LDHC: variants seen among roughly 807,000 people sequenced by gnomAD.
The protein encoded by LDHC is lactate dehydrogenase C.
Under a neutral mutation model 30.2 loss-of-function variants are expected in LDHC, and 20 were observed. That is an observed-to-expected ratio of 0.66 (90% CI 0.47 to 0.96). LDHC has a LOEUF of 0.96. Among genes scored for constraint, LDHC ranks in the 40% least tolerant of loss-of-function variants. The pLI is 0.00. For synonymous variants in LDHC, 139 were observed against 132.7 expected, an observed-to-expected ratio of 1.05 and a Z score of -0.32; for missense variants, 362 against 394.9, an observed-to-expected ratio of 0.92 and a Z score of 0.71.
At chr11:18,434,217 A>ATTTTTTTTTT (rs60806253) in intron 4 of LDHC, among the ~76,000 whole-genome samples, 1 of 146,076 alleles carries the variant, frequency 6.8e-6, no homozygotes, top group African/African-American at 2.5e-5. Flanking sequence ...TTCTTGTATC[A>ATTTTTTTTTT]TTTTTTTTTT....
chr11:18,430,215 C>T (rs1158455794), intron 4 of LDHC, among the ~76,000 whole-genome samples: 3 of 152,082 alleles, frequency 2.0e-5, no homozygotes, highest in Non-Finnish European at 4.4e-5. Flanking sequence ...ATTTTTTCTG[C>T]CTGACTTCTT....
At chr11:18,444,604 GTATATATA>G (rs60764598) in intron 6 of LDHC, among the ~76,000 whole-genome samples, 1,038 of 89,252 alleles carry the variant, frequency 0.012, 13 homozygotes, top group African/African-American at 0.027. Flanking sequence ...TGTTCAGGTG[GTATATATA>G]TATATATATA....
At chr11:18,437,333 T>G (rs530862350) in intron 5 of LDHC, among the ~76,000 whole-genome samples, 1 of 152,256 alleles carries the variant, frequency 6.6e-6, no homozygotes, top group Non-Finnish European at 1.5e-5. Context: ...AAATAAATTC[T>G]ACTACATATT....
At chr11:18,412,523 G>C (rs1169655619) in intron 1 of LDHC, 115 bp downstream of exon 1, 1 of 526,520 alleles carries the variant, frequency 1.9e-6, no homozygotes, top group Non-Finnish European at 3.4e-6. Flanking sequence ...CCAAAAGCCC[G>C]CTGGTGCCCC....
At position 18,451,384 on chromosome 11, in the gene LDHC, TAG is replaced by T. The variant is rs1848653475; in HGVS notation, c.*260_*261del. The T allele has an allele frequency of 4.2e-6, 1 of 237,864 alleles. No individual in the cohort carries two copies. The highest frequency in any genetic ancestry group is 5.7e-5 in the Admixed American group (1 of 17,410). The allele number at this position is 237,864 out of a possible 1,614,324, so 14.7% of individuals were successfully genotyped here. On this transcript the variant is annotated 3_prime_UTR_variant, in exon 8 of 8. Transcript: ENST00000541669. ...TACTTCTGAGGTATGTCACATATGT[TAG>T]AGTGCCTTCAGATGTAGTAGAATAT...
At chr11:18,421,593 A>T (rs1848052902) in intron 3 of LDHC, among the ~76,000 whole-genome samples, 1 of 151,980 alleles carries the variant, frequency 6.6e-6, no homozygotes, top group African/African-American at 2.4e-5. Flanking sequence ...GAATCGCTTT[A>T]ACCTGGGAGA....
chr11:18,413,704 G>A (rs895053003), intron 2 of LDHC, among the ~76,000 whole-genome samples: 2 of 151,496 alleles, frequency 1.3e-5, no homozygotes, highest in Admixed American at 1.3e-4. Flanking sequence ...CTCGTGATCC[G>A]CCTGCCTCAG....
At chr11:18,418,961 GCT>G (rs1321920495) in intron 3 of LDHC, among the ~76,000 whole-genome samples, 1 of 152,150 alleles carries the variant, frequency 6.6e-6, no homozygotes, top group East Asian at 1.9e-4. Context: ...AGCTCTGATT[GCT>G]CTTTTTACCC....
rs1270255339 is a variant in LDHC, at chr11:18,446,331, A to C, written c.832A>C (p.Lys278Gln). The part of the protein sequence containing the change: ...RRVHPVSTMV[K>Q]GLYGIKEELF... ...AGTGCACCCAGTTTCCACCATGGTT[A>C]AGGTAGGCTTAAATTAAATCTTCAT... The change falls in exon 7 of 8, where the codon AAG becomes CAG. Residue 278 changes from lysine (K) to glutamine (Q), a missense_variant and splice_region_variant. Coordinates refer to ENST00000541669, the MANE Select transcript of LDHC (RefSeq NM_017448.5). The C allele has an allele frequency of 2.5e-6, 4 of 1,601,552 alleles. No individual in the cohort carries two copies. The highest frequency in any genetic ancestry group is 3.4e-6 in the Non-Finnish European group (4 of 1,168,984).
At chr11:18,446,392 A>G (rs1848557408) in intron 7 of LDHC, 59 bp downstream of exon 7, 3 of 1,188,186 alleles carry the variant, frequency 2.5e-6, no homozygotes, top group South Asian at 2.4e-5. Flanking sequence ...TTGGGTCACT[A>G]CTATATGCCA....
At chr11:18,442,684 A>G (rs1174105658) in intron 6 of LDHC, among the ~76,000 whole-genome samples, 2 of 112,454 alleles carry the variant, frequency 1.8e-5, no homozygotes, top group Non-Finnish European at 3.5e-5. Flanking sequence ...TTTTTTTGAG[A>G]CAGAGTCTTG....
At chr11:18,441,455 C>A (rs1419806063) in intron 6 of LDHC, among the ~76,000 whole-genome samples, 5 of 151,818 alleles carry the variant, frequency 3.3e-5, no homozygotes, top group Admixed American at 6.5e-5. Flanking sequence ...ACTACAAGCA[C>A]GCGCCACCAT....
chr11:18,421,482 G>A (rs1446151234), intron 3 of LDHC, among the ~76,000 whole-genome samples: 1 of 151,980 alleles, frequency 6.6e-6, no homozygotes. Context: ...AGACCAGCGT[G>A]GCCAACCTGG....
At chr11:18,431,184 G>A (rs990206106) in intron 4 of LDHC, among the ~76,000 whole-genome samples, 10 of 151,940 alleles carry the variant, frequency 6.6e-5, no homozygotes, top group Middle Eastern at 3.4e-3. Flanking sequence ...CAGGCCAGGC[G>A]TGGTGGCTCA....
At chr11:18,446,855 T>C (rs139261731) in intron 7 of LDHC, among the ~76,000 whole-genome samples, 196 of 152,244 alleles carry the variant, frequency 1.3e-3, no homozygotes, top group Admixed American at 3.6e-3. Flanking sequence ...TTAAGACAAG[T>C]GTAATAGCTA....
At chr11:18,450,846 C>G (rs1032121014) in intron 7 of LDHC, 117 bp from the exon 8 acceptor site, 2 of 698,960 alleles carry the variant, frequency 2.9e-6, no homozygotes, top group Non-Finnish European at 4.7e-6. Flanking sequence ...CTGCCACCCT[C>G]TGAGCGATTC....
chr11:18,424,218 C>T (rs577870981), intron 3 of LDHC, among the ~76,000 whole-genome samples: 2 of 152,196 alleles, frequency 1.3e-5, no homozygotes, highest in Non-Finnish European at 2.9e-5. Flanking sequence ...CCTGTCTCTA[C>T]TAAAAATACA....
intron 6 of LDHC, among the ~76,000 whole-genome samples, chr11:18,442,910 G>A (rs142210368): frequency 3.9e-5 from 6 of 151,914 alleles, no homozygotes; most frequent in Admixed American, 1.3e-4. Context: ...TGATCTGCCC[G>A]CCTCAGCCTC....
At chr11:18,417,365 GA>G (rs1447773192) in intron 3 of LDHC, among the ~76,000 whole-genome samples, 3 of 152,178 alleles carry the variant, frequency 2.0e-5, no homozygotes, top group African/African-American at 7.2e-5. Flanking sequence ...AAGTGTTCAT[GA>G]AGCAGTCTGG....
Sources: gnomAD v4.1 joint callset for allele counts (sites outside exome capture counted in the v4.1 genomes callset) on GRCh38, gnomAD v4.1.1 for gene constraint, MANE v1.5 for transcripts, NCBI Gene and HGNC (gene_info 2026-07-23, HGNC 2026-07-21) for gene names.